Variants in TMSB15B observed in about 807,000 individuals in gnomAD.
The protein encoded by TMSB15B is thymosin beta-15B.
At chrX:103,931,982 A>AT (rs2074986001) in intron 1 of TMSB15B, 1 of 112,192 alleles carries the variant, frequency 8.9e-6, no homozygotes, top group Non-Finnish European at 1.9e-5. Flanking sequence ...AGATAGCTGA[A>AT]TATATGGAGG....
chrX:103,940,285 C>T (rs781992133), intron 1 of TMSB15B, among the ~76,000 whole-genome samples: 1 of 112,317 alleles, frequency 8.9e-6, no homozygotes, highest in South Asian at 3.7e-4. Flanking sequence ...TGCTCTGTCC[C>T]AAGGAGATGG....
At chrX:103,926,995 C>T (rs1431780724) in intron 1 of TMSB15B, among the ~76,000 whole-genome samples, 2 of 110,974 alleles carry the variant, frequency 1.8e-5, no homozygotes, top group African/African-American at 6.6e-5. Flanking sequence ...CTCTTTCCTC[C>T]CCGGCAAACT....
At chrX:103,926,675 G>A (rs145741675) in intron 1 of TMSB15B, among the ~76,000 whole-genome samples, 1,597 of 110,746 alleles carry the variant, frequency 0.014, 10 homozygotes, top group Non-Finnish European at 0.024. Flanking sequence ...CTTGCAGTGT[G>A]TGGCTTCTAC....
intron 1 of TMSB15B, among the ~76,000 whole-genome samples, chrX:103,936,662 G>A (rs1346824386): frequency 8.9e-6 from 1 of 111,767 alleles, no homozygotes; most frequent in Non-Finnish European, 1.9e-5. Context: ...TGATTGTCCT[G>A]GCCAGAACTT....
chrX:103,926,732 T>G (rs782659592), intron 1 of TMSB15B, among the ~76,000 whole-genome samples: 12 of 110,606 alleles, frequency 1.1e-4, no homozygotes, highest in Non-Finnish European at 2.3e-4. Context: ...CCCATTGGCC[T>G]GCTAGCTTAA....
At position 103,947,381 on chromosome X, in the gene TMSB15B, A is replaced by C. The variant is rs58207587; in HGVS notation, c.-720-14640A>C. Among the ~76,000 whole-genome samples the C allele has an allele frequency of 6.0e-3, 670 of 111,746 alleles. 8 individuals carry two copies. Among genetic ancestry groups the C allele is most frequent in the African/African-American group, 0.021 (651 of 30,771 alleles). On this transcript the variant is annotated intron_variant, in intron 1 of 3. Coordinates refer to the TMSB15B transcript ENST00000419165. Reference sequence around the variant, plus strand: ...TAGTGACTGGAAAGGAGCACAAAAGAAGCTTATGGCAGGGAGGGGAGAGGT... The same window carrying C: ...TAGTGACTGGAAAGGAGCACAAAAGCAGCTTATGGCAGGGAGGGGAGAGGT...
At chrX:103,944,937 C>G (rs1198828812) in intron 1 of TMSB15B, among the ~76,000 whole-genome samples, 1 of 111,329 alleles carries the variant, frequency 9.0e-6, no homozygotes, top group African/African-American at 3.3e-5. Flanking sequence ...ACCACCATGC[C>G]CCGCTGGCTT....
chrX:103,920,128 A>C (rs1468798064), intron 1 of TMSB15B, among the ~76,000 whole-genome samples: 1 of 112,213 alleles, frequency 8.9e-6, no homozygotes, highest in Admixed American at 9.4e-5. Context: ...TAAAAGCAAC[A>C]TAATTTCGAC....
At position 103,936,630 on chromosome X, in the gene TMSB15B, C is replaced by T. The variant is rs1286765108; in HGVS notation, c.-721+17338C>T. Among the ~76,000 whole-genome samples the T allele has an allele frequency of 3.6e-5, 4 of 111,863 alleles. No individual in the cohort carries two copies. The East Asian group carries it at 8.4e-4, about 23-fold the overall frequency. On this transcript the variant is annotated intron_variant, in intron 1 of 3. Coordinates refer to the TMSB15B transcript ENST00000419165. ...GACTTCCTCTCTTCCTATTTGAATA[C>T]GCTTTATTGGTTTCTCTTGCCTGAT...
At chrX:103,942,488 A>G (rs1175973543) in intron 1 of TMSB15B, among the ~76,000 whole-genome samples, 1 of 112,053 alleles carries the variant, frequency 8.9e-6, no homozygotes, top group Non-Finnish European at 1.9e-5. Flanking sequence ...TCATGTGCCA[A>G]TACAGCATTG....
chrX:103,950,494 C>G (rs782544381), intron 1 of TMSB15B, among the ~76,000 whole-genome samples: 1 of 109,881 alleles, frequency 9.1e-6, no homozygotes, highest in African/African-American at 3.3e-5. Flanking sequence ...ACACTGGTTC[C>G]AACGAAGCCT....
Position 103,923,732 on chromosome X carries a change from C to A in TMSB15B, c.-721+4440C>A, listed in dbSNP as rs183895596. ...AATTTTAAAGTAGTTTTTTCCAATT[C>A]TGTGAAGAAGGTCATTGGTAGCTTG... On this transcript the variant is annotated intron_variant, in intron 1 of 3. Coordinates refer to the TMSB15B transcript ENST00000419165. Among the ~76,000 whole-genome samples the A allele has an allele frequency of 2.7e-5, 3 of 111,550 alleles. No homozygotes were observed. The East Asian group carries it at 8.4e-4, about 31-fold the overall frequency.
intron 1 of TMSB15B, among the ~76,000 whole-genome samples, chrX:103,930,512 T>A (rs2074981674): frequency 9.0e-6 from 1 of 110,702 alleles, no homozygotes; most frequent in South Asian, 3.9e-4. Flanking sequence ...GTATGCATTT[T>A]AAAATCTTCC....
intron 1 of TMSB15B, among the ~76,000 whole-genome samples, chrX:103,943,628 G>A (rs782815970): frequency 2.7e-5 from 3 of 111,342 alleles, no homozygotes; most frequent in Non-Finnish European, 5.7e-5. Flanking sequence ...GACATTCAAG[G>A]TCCTCCATAA....
chrX:103,936,065 C>G (rs189985193), intron 1 of TMSB15B, among the ~76,000 whole-genome samples: 4 of 110,144 alleles, frequency 3.6e-5, no homozygotes, highest in Admixed American at 1.9e-4. Flanking sequence ...AGGCTGGTCT[C>G]GAACTCCCCA....
chrX:103,930,552 C>G (rs527806331), intron 1 of TMSB15B, among the ~76,000 whole-genome samples: 1 of 110,081 alleles, frequency 9.1e-6, no homozygotes, highest in Non-Finnish European at 1.9e-5. Flanking sequence ...TAACATTGGT[C>G]GAATTACTGA....
intron 1 of TMSB15B, among the ~76,000 whole-genome samples, chrX:103,946,084 G>A (rs1383548265): frequency 3.6e-5 from 4 of 112,051 alleles, no homozygotes; most frequent in Non-Finnish European, 7.5e-5. Context: ...CAGAAGACAT[G>A]AGAATCTTGG....
At chrX:103,952,375 G>A (rs1301925988) in intron 1 of TMSB15B, among the ~76,000 whole-genome samples, 3 of 111,649 alleles carry the variant, frequency 2.7e-5, no homozygotes, top group African/African-American at 6.5e-5. Context: ...GGAGGTGGGA[G>A]AGGGATTGCT....
chrX:103,935,737 G>A (rs781852798), intron 1 of TMSB15B, among the ~76,000 whole-genome samples: 2 of 110,619 alleles, frequency 1.8e-5, no homozygotes, highest in South Asian at 7.7e-4. Context: ...TTTGGTTACT[G>A]TGGCCTCGTA....
Sources: gnomAD v4.1 joint callset for allele counts (sites outside exome capture counted in the v4.1 genomes callset) on GRCh38, gnomAD v4.1.1 for gene constraint, MANE v1.5 for transcripts, NCBI Gene and HGNC (gene_info 2026-07-23, HGNC 2026-07-21) for gene names.